Variants in BCL2 observed in about 807,000 individuals in gnomAD.
BCL2 encodes apoptosis regulator Bcl-2.
A neutral mutation model predicts 14.2 loss-of-function variants in BCL2; 1 was observed. The observed-to-expected ratio is 0.07, with a 90% CI of 0.02 to 0.33. BCL2 has a LOEUF of 0.33. Among genes scored for constraint, BCL2 ranks in the 10% least tolerant of loss-of-function variants. The probability of loss-of-function intolerance (pLI) is 0.99; values close to 1 mark genes in which losing one functional copy is unlikely to be tolerated. For synonymous variants in BCL2, 151 were observed against 137.2 expected, an observed-to-expected ratio of 1.10 and a Z score of -0.70; for missense variants, 247 against 305.9, an observed-to-expected ratio of 0.81 and a Z score of 1.44.
At position 63,130,339 on chromosome 18, in the gene BCL2, G is replaced by A. The variant is rs184202833; in HGVS notation, c.586-1580C>T. On this transcript the variant is annotated intron_variant, in intron 2 of 2. Transcript: ENST00000333681. ...CCATGACCCTGGACATCGCTGTTGG[G>A]AGGGGCTCCAACAGTGCACAGAGGG... 3.7e-4 allele frequency among the ~76,000 whole-genome samples: 56 copies of A among 152,308 alleles called. 1 individual carries two copies. In the East Asian group the frequency reaches 7.7e-3, roughly 21 times the overall value.
At chr18:63,156,086 C>G (rs1303489374) in intron 2 of BCL2, among the ~76,000 whole-genome samples, 1 of 7,304 alleles carries the variant, frequency 1.4e-4, no homozygotes. Context: ...TGCTGAGAAG[C>G]CAAAAAAAAA....
At chr18:63,156,087 CA>C (rs10640757) in intron 2 of BCL2, among the ~76,000 whole-genome samples, 1,423 of 64,228 alleles carry the variant, frequency 0.022, 12 homozygotes, top group African/African-American at 0.072. Flanking sequence ...GCTGAGAAGC[CA>C]AAAAAAAAAA....
At chr18:63,287,736 G>T (rs900773411) in intron 2 of BCL2, among the ~76,000 whole-genome samples, 2 of 152,152 alleles carry the variant, frequency 1.3e-5, no homozygotes, top group Non-Finnish European at 2.9e-5. Flanking sequence ...AATTAGAGCA[G>T]CAGCAGCAGC....
intron 2 of BCL2, among the ~76,000 whole-genome samples, chr18:63,276,042 C>T (rs964350508): frequency 1.9e-4 from 29 of 152,122 alleles, no homozygotes; most frequent in African/African-American, 6.3e-4. Context: ...CAAAGGACAC[C>T]ATGGGGTGCC....
chr18:63,184,032 G>A (rs1389882692), intron 2 of BCL2, among the ~76,000 whole-genome samples: 3 of 152,256 alleles, frequency 2.0e-5, no homozygotes, highest in East Asian at 1.9e-4. Context: ...AAAAGGCCCC[G>A]CAAAGAAACA....
chr18:63,207,574 GTCTGATTGTTCCAGACTGCCT>G (rs1909873794), intron 2 of BCL2: 1 of 152,068 alleles, frequency 6.6e-6, no homozygotes, highest in Non-Finnish European at 1.5e-5. Flanking sequence ...GAGCACCAGA[GTCTGATTGTTCCAGACTGCCT>G]GGGAGCACCA....
intron 2 of BCL2, among the ~76,000 whole-genome samples, chr18:63,200,029 T>C (rs1909645820): frequency 6.6e-6 from 1 of 152,178 alleles, no homozygotes; most frequent in Non-Finnish European, 1.5e-5. Context: ...GTAACCTTAG[T>C]TCCAGACGTA....
At chr18:63,177,935 C>A (rs1014801821) in intron 2 of BCL2, among the ~76,000 whole-genome samples, 4 of 152,234 alleles carry the variant, frequency 2.6e-5, no homozygotes, top group Admixed American at 2.0e-4. Context: ...CCCATAAGAG[C>A]CCCGCCAGGT....
intron 2 of BCL2, among the ~76,000 whole-genome samples, chr18:63,266,412 G>C (rs1911823697): frequency 6.6e-6 from 1 of 151,664 alleles, no homozygotes; most frequent in Non-Finnish European, 1.5e-5. Flanking sequence ...ACAGGGCATG[G>C]GTGACAGGAG....
At chr18:63,304,514 G>T (rs1358146773) in intron 2 of BCL2, among the ~76,000 whole-genome samples, 1 of 152,138 alleles carries the variant, frequency 6.6e-6, no homozygotes, top group Non-Finnish European at 1.5e-5. Context: ...AATGCTCTAT[G>T]AGCAAATTTA....
chr18:63,310,772 G>A (rs1232156433), intron 2 of BCL2, among the ~76,000 whole-genome samples: 1 of 152,078 alleles, frequency 6.6e-6, no homozygotes, highest in Non-Finnish European at 1.5e-5. Context: ...TAAGTTTTGT[G>A]GACAATTGCT....
intron 2 of BCL2, chr18:63,314,430 A>G (rs1913431375): frequency 6.6e-6 from 1 of 152,230 alleles, no homozygotes; most frequent in Non-Finnish European, 1.5e-5. Context: ...GCTGAACTCT[A>G]CCGGGTGTGG....
intron 2 of BCL2, among the ~76,000 whole-genome samples, chr18:63,163,983 T>TA (rs1914983100): frequency 6.6e-6 from 1 of 152,226 alleles, no homozygotes; most frequent in Non-Finnish European, 1.5e-5. Flanking sequence ...TTATCTTCTG[T>TA]ATGGATACCA....
At chr18:63,165,162 C>T (rs1254352128) in intron 2 of BCL2, among the ~76,000 whole-genome samples, 1 of 152,162 alleles carries the variant, frequency 6.6e-6, no homozygotes, top group African/African-American at 2.4e-5. Flanking sequence ...CATGTGCCAG[C>T]CCCCATGTGG....
chr18:63,191,164 CAT>C (rs745335185), intron 2 of BCL2, among the ~76,000 whole-genome samples: 2 of 152,206 alleles, frequency 1.3e-5, no homozygotes, highest in Non-Finnish European at 2.9e-5. Flanking sequence ...AATAAACATA[CAT>C]GTGCATGTAT....
chr18:63,172,079 T>G (rs149871689), intron 2 of BCL2, among the ~76,000 whole-genome samples: 1 of 152,352 alleles, frequency 6.6e-6, no homozygotes, highest in Non-Finnish European at 1.5e-5. Context: ...GACCTGTAAT[T>G]GGGCTAATAC....
intron 2 of BCL2, chr18:63,317,539 C>A (rs1913534849): frequency 2.0e-6 from 2 of 985,784 alleles, no homozygotes; most frequent in East Asian, 1.1e-4. Context: ...CATTGGTTTT[C>A]CTCTTTTGGA....
intron 2 of BCL2, among the ~76,000 whole-genome samples, chr18:63,187,762 T>G (rs916058978): frequency 5.3e-5 from 8 of 152,226 alleles, no homozygotes; most frequent in African/African-American, 1.9e-4. Flanking sequence ...GCTGTGGAAA[T>G]CTCTAAAATC....
intron 2 of BCL2, among the ~76,000 whole-genome samples, chr18:63,133,319 A>ATTTTTTTT (rs34022610): frequency 0.022 from 2,290 of 103,268 alleles, 127 homozygotes; most frequent in Non-Finnish European, 0.025. Flanking sequence ...ACCTTCAAGA[A>ATTTTTTTT]TTTTTTTTTT....
Sources: gnomAD v4.1 joint callset for allele counts (sites outside exome capture counted in the v4.1 genomes callset) on GRCh38, gnomAD v4.1.1 for gene constraint, MANE v1.5 for transcripts, NCBI Gene and HGNC (gene_info 2026-07-23, HGNC 2026-07-21) for gene names.